Variants in GRIN2A observed in about 807,000 individuals in gnomAD.
The protein encoded by GRIN2A is glutamate ionotropic receptor NMDA type subunit 2A.
Under a neutral mutation model 113.4 loss-of-function variants are expected in GRIN2A, and 22 were observed. The observed-to-expected ratio is 0.19, with a 90% CI of 0.14 to 0.28. GRIN2A has a LOEUF of 0.28. GRIN2A is among the 10% of genes least tolerant of loss of function. The pLI, the probability that GRIN2A is intolerant of heterozygous loss-of-function variation, is 1.00. For synonymous variants in GRIN2A, 827 were observed against 738.4 expected (o/e 1.12, Z -1.94); for missense variants, 1,502 against 1,887.0 (o/e 0.80, Z 3.78).
chr16:9,952,437 G>C (rs1391924935), intron 2 of GRIN2A, among the ~76,000 whole-genome samples: 1 of 152,104 alleles, frequency 6.6e-6, no homozygotes, highest in Non-Finnish European at 1.5e-5. Flanking sequence ...AATGTGAGCA[G>C]CTTAGTGCTG....
At chr16:10,041,578 A>G (rs1003307980) in intron 2 of GRIN2A, among the ~76,000 whole-genome samples, 1 of 152,138 alleles carries the variant, frequency 6.6e-6, no homozygotes, top group Admixed American at 6.5e-5. Context: ...ACATGGTCTC[A>G]CGGGGTCATT....
chr16:9,940,387 AT>A (rs2044843478), intron 2 of GRIN2A, among the ~76,000 whole-genome samples: 3 of 152,188 alleles, frequency 2.0e-5, no homozygotes, highest in African/African-American at 7.2e-5. Flanking sequence ...TGGGTAATAG[AT>A]TTAAAGACTT....
chr16:9,871,192 C>A (rs1021442648), intron 4 of GRIN2A, among the ~76,000 whole-genome samples: 8 of 152,270 alleles, frequency 5.3e-5, no homozygotes, highest in African/African-American at 1.7e-4. Context: ...GTCAATCCAC[C>A]ACTTCCTCAC....
At chr16:9,966,297 G>A (rs900518320) in intron 2 of GRIN2A, among the ~76,000 whole-genome samples, 1 of 152,084 alleles carries the variant, frequency 6.6e-6, no homozygotes, top group African/African-American at 2.4e-5. Flanking sequence ...AGGCCCCATT[G>A]TGTGTTTTTC....
At chr16:9,801,006 G>C (rs888187813) in intron 10 of GRIN2A, among the ~76,000 whole-genome samples, 10 of 152,210 alleles carry the variant, frequency 6.6e-5, no homozygotes, top group African/African-American at 2.4e-4. Flanking sequence ...TAGGATGATG[G>C]TGCAACCTCA....
intron 3 of GRIN2A, among the ~76,000 whole-genome samples, chr16:9,918,822 G>GA (rs34996984): frequency 1.5e-4 from 22 of 146,594 alleles, no homozygotes; most frequent in African/African-American, 4.5e-4. Context: ...TGGTTGCAAT[G>GA]AAAAAAAAAA....
chr16:9,997,827 G>T (rs1044957696), intron 2 of GRIN2A, among the ~76,000 whole-genome samples: 1 of 151,980 alleles, frequency 6.6e-6, no homozygotes, highest in African/African-American at 2.4e-5. Context: ...CAGTTCCCTT[G>T]CACATGCTCT....
At chr16:9,934,741 T>C (rs2044673383) in intron 3 of GRIN2A, among the ~76,000 whole-genome samples, 1 of 145,364 alleles carries the variant, frequency 6.9e-6, no homozygotes. Flanking sequence ...TGTTTTTAAA[T>C]GCTTTCTTTG....
chr16:10,067,263 T>G (rs1397139656), intron 2 of GRIN2A, among the ~76,000 whole-genome samples: 6 of 152,160 alleles, frequency 3.9e-5, no homozygotes, highest in African/African-American at 1.4e-4. Flanking sequence ...TTGCTTTAAA[T>G]CCACATAAAA....
At chr16:10,176,821 A>G (rs893176588) in intron 2 of GRIN2A, among the ~76,000 whole-genome samples, 1 of 152,230 alleles carries the variant, frequency 6.6e-6, no homozygotes, top group Non-Finnish European at 1.5e-5. Flanking sequence ...CACGTTGTGC[A>G]CATATACCCT....
At chr16:10,135,435 A>G (rs754676137) in intron 2 of GRIN2A, among the ~76,000 whole-genome samples, 1 of 152,188 alleles carries the variant, frequency 6.6e-6, no homozygotes, top group Non-Finnish European at 1.5e-5. Flanking sequence ...TTCCACTCAC[A>G]GTCTGTTGAA....
chr16:9,969,158 T>C (rs1463834519), intron 2 of GRIN2A, among the ~76,000 whole-genome samples: 2 of 152,156 alleles, frequency 1.3e-5, no homozygotes, highest in South Asian at 2.1e-4. Flanking sequence ...GGCCATCCTG[T>C]TGCACAAAAC....
At chr16:10,137,012 T>C (rs2049207427) in intron 2 of GRIN2A, among the ~76,000 whole-genome samples, 2 of 152,170 alleles carry the variant, frequency 1.3e-5, no homozygotes, top group South Asian at 4.1e-4. Context: ...TAGCATGAAA[T>C]ATCTACTCTA....
chr16:10,116,873 A>G (rs369766249), intron 2 of GRIN2A, among the ~76,000 whole-genome samples: 29 of 152,144 alleles, frequency 1.9e-4, no homozygotes, highest in African/African-American at 6.5e-4. Context: ...TGCCATATGC[A>G]GGAGCCAAAC....
chr16:9,891,226 G>T, intron 3 of GRIN2A, 126 bp from the exon 4 acceptor site: 1 of 700,026 alleles, frequency 1.4e-6, no homozygotes. Context: ...TTCATCACAA[G>T]AAGCCTCTCT....
intron 10 of GRIN2A, among the ~76,000 whole-genome samples, chr16:9,811,807 G>C (rs1050135175): frequency 4.6e-5 from 7 of 152,142 alleles, no homozygotes; most frequent in Non-Finnish European, 1.0e-4. Flanking sequence ...TAAGGATATA[G>C]AACCTGCCAG....
chr16:10,166,650 C>G (rs1457067422), intron 2 of GRIN2A, among the ~76,000 whole-genome samples: 3 of 152,216 alleles, frequency 2.0e-5, no homozygotes, highest in African/African-American at 4.8e-5. Flanking sequence ...AAATTGATAA[C>G]AGATGCATCC....
intron 4 of GRIN2A, among the ~76,000 whole-genome samples, chr16:9,887,171 G>A (rs2043601542): frequency 6.6e-6 from 1 of 152,140 alleles, no homozygotes; most frequent in Admixed American, 6.5e-5. Context: ...ACAGGCATGA[G>A]CCACCAAGCC....
intron 7 of GRIN2A, among the ~76,000 whole-genome samples, chr16:9,837,538 C>T (rs981997712): frequency 6.6e-6 from 1 of 152,092 alleles, no homozygotes; most frequent in Admixed American, 6.6e-5. Flanking sequence ...CTCTAGCTCA[C>T]TAAAGAGATA....
Sources: gnomAD v4.1 joint callset for allele counts (sites outside exome capture counted in the v4.1 genomes callset) on GRCh38, gnomAD v4.1.1 for gene constraint, MANE v1.5 for transcripts, NCBI Gene and HGNC (gene_info 2026-07-23, HGNC 2026-07-21) for gene names.